DNAJA4: variants seen among roughly 807,000 people sequenced by gnomAD.
DNAJA4 encodes the protein DnaJ heat shock protein family (Hsp40) member A4, also known as dnaJ homolog subfamily A member 4.
DNAJA4 carries 32 observed loss-of-function variants against 39.7 expected under a neutral mutation model. That is an observed-to-expected ratio of 0.81 (90% confidence interval 0.61 to 1.08). The LOEUF (loss-of-function observed/expected upper bound fraction) is 1.08. Ranked by LOEUF, DNAJA4 falls within the 50% of genes least tolerant of loss-of-function variation. The pLI is 0.00. For synonymous variants in DNAJA4, 184 were observed against 182.4 expected, an observed-to-expected ratio of 1.01 and a Z score of -0.07; for missense variants, 439 against 505.1, an observed-to-expected ratio of 0.87 and a Z score of 1.25.
chr15:78,264,368 AAGG>A, upstream of DNAJA4: 1 of 1,448,334 alleles, frequency 6.9e-7, no homozygotes, highest in Non-Finnish European at 9.0e-7. Context: ...CGGGCAGCCA[AAGG>A]AGCAGACGCC....
At chr15:78,268,003 C>T (rs189055671) in intron 1 of DNAJA4, among the ~76,000 whole-genome samples, 153 of 152,298 alleles carry the variant, frequency 1.0e-3, no homozygotes, top group Non-Finnish European at 1.8e-3. Flanking sequence ...CTTTGGAGTG[C>T]TGGGACCCTA....
intron 1 of DNAJA4, among the ~76,000 whole-genome samples, chr15:78,267,120 C>CA (rs2049143894): frequency 7.1e-5 from 6 of 84,382 alleles, no homozygotes; most frequent in African/African-American, 2.4e-4. Flanking sequence ...ACTGTGCAGG[C>CA]CTTTTGTGAG....
In DNAJA4 at chr15:78,275,619, C is replaced by G; in HGVS notation, c.768C>G (p.Gly256=). 6.2e-7 allele frequency: 1 copy of G among 1,614,022 alleles called. No individual in the cohort carries two copies. Among genetic ancestry groups the G allele is most frequent in the Non-Finnish European group, 8.5e-7 (1 of 1,179,936 alleles). The change falls in exon 5 of 7, where the codon GGC becomes GGG. Residue 256 remains glycine (G), a synonymous_variant. Transcript: ENST00000394852. The part of the protein sequence containing the change: ...QKDHSVFQRR[G]HDLIMKMKIQ... ...ATCATAGTGTCTTTCAGAGACGAGG[C>G]CATGACTTGATCATGAAAATGAAAA...
rs965875003 is a variant in DNAJA4, at chr15:78,280,789, A to G, written c.*329A>G. 13 of 234,578 alleles carry G rather than the reference A, an allele frequency of 5.5e-5. No homozygotes were observed. The highest frequency in any genetic ancestry group is 1.5e-3 in the Middle Eastern group (1 of 666). The allele number at this position is 234,578 out of a possible 1,614,324, so 14.5% of individuals were successfully genotyped here. A position where few individuals can be genotyped will look rare whatever the true frequency, so the allele number is the denominator to read the frequency against. On this transcript the variant is annotated 3_prime_UTR_variant, in exon 7 of 7. Transcript: ENST00000394852. Reference sequence around the variant, plus strand: ...GCTTTGCCATAATTCAGTGTCACCAATAAGGCACAGCCCAGTTAGCAGCTT... The same window carrying G: ...GCTTTGCCATAATTCAGTGTCACCAGTAAGGCACAGCCCAGTTAGCAGCTT...
chr15:78,265,729 G>T (rs755676967), intron 1 of DNAJA4: 2 of 690,400 alleles, frequency 2.9e-6, no homozygotes, highest in Non-Finnish European at 2.6e-6. Context: ...TAACCCTCCC[G>T]TTCCTCCTTT....
intron 5 of DNAJA4, chr15:78,277,987 T>C (rs1312442520): frequency 4.4e-6 from 2 of 453,614 alleles, no homozygotes; most frequent in African/African-American, 4.0e-5. Context: ...TCTTTTGTGT[T>C]GGCTTATTTC....
chr15:78,277,991 T>G, intron 5 of DNAJA4: 1 of 454,858 alleles, frequency 2.2e-6, no homozygotes, highest in Non-Finnish European at 4.4e-6. Context: ...TTGTGTTGGC[T>G]TATTTCTTGT....
At chr15:78,271,603 G>A (rs576301242) in intron 2 of DNAJA4, among the ~76,000 whole-genome samples, 12 of 152,318 alleles carry the variant, frequency 7.9e-5, no homozygotes, top group African/African-American at 2.9e-4. Flanking sequence ...GGAGGTGAAT[G>A]AGGAACTTCT....
Position 78,270,628 on chromosome 15 carries a change from C to G in DNAJA4, c.264C>G (p.Ile88Met). The change falls in exon 2 of 7, where the codon ATC becomes ATG. Residue 88 changes from isoleucine (I) to methionine (M), a missense_variant. Physicochemically the swap from Ile to Met is conservative, Grantham distance 10. Transcript: ENST00000394852. ...CCAGCTTCTCTTCACCCATGGACAT[C>G]TTTGACATGTTCTTTGGTGGTGGTG... ...GSPSFSSPMD[I>M]FDMFFGGGGR... 6.2e-7 allele frequency: 1 copy of G among 1,614,180 alleles called. No homozygotes were observed. Among genetic ancestry groups the G allele is most frequent in the Non-Finnish European group, 8.5e-7 (1 of 1,180,034 alleles).
In DNAJA4 at chr15:78,279,701, AAG is replaced by A. The variant is rs1468598779; in HGVS notation, c.878-341_878-340del. ...TGGTAGGGATACCTGTCACCCCACAAAGAGGCAGGGTGACAGGTGTTGGCCCC... is the reference window on the plus strand; with the variant it reads ...TGGTAGGGATACCTGTCACCCCACAAAGGCAGGGTGACAGGTGTTGGCCCC... On this transcript the variant is annotated intron_variant, in intron 5 of 6. Transcript: ENST00000394852. This position sits in a 1 kb window ranked among gnomAD's most constrained non-coding sequence, Gnocchi z 4.5. 2 of 303,600 alleles carry A rather than the reference AAG, an allele frequency of 6.6e-6. No homozygotes were observed. The highest frequency in any genetic ancestry group is 6.2e-6 in the Non-Finnish European group (1 of 162,286). 18.8% of individuals were successfully genotyped at this position (303,600 alleles called of 1,614,324 possible). A position where few individuals can be genotyped will look rare whatever the true frequency, so the allele number is the denominator to read the frequency against.
chr15:78,275,614 C>T lies in DNAJA4; in HGVS notation c.763C>T (p.Arg255Ter), dbSNP rs202118844. 3 of 1,614,060 alleles carry T rather than the reference C, an allele frequency of 1.9e-6. No individual in the cohort carries two copies. Among genetic ancestry groups the T allele is most frequent in the Non-Finnish European group, 2.5e-6 (3 of 1,179,950 alleles). Residue 255 changes from arginine (R) to a stop codon, truncating the protein, a stop_gained, in exon 5 of 7, where the codon CGA becomes TGA. Coordinates refer to ENST00000394852, the MANE Select transcript of DNAJA4 (RefSeq NM_001130182.2). LOFTEE classifies it high-confidence loss of function. Reference protein sequence around the residue: ...DQKDHSVFQRRGHDLIMKMKI... With the variant: ...DQKDHSVFQR ...GAAGGATCATAGTGTCTTTCAGAGA[C>T]GAGGCCATGACTTGATCATGAAAAT... is the stretch of plus-strand genomic sequence containing the variant.
chr15:78,278,932 G>A (rs1342572669), intron 5 of DNAJA4, among the ~76,000 whole-genome samples: 1 of 145,276 alleles, frequency 6.9e-6, no homozygotes, highest in Non-Finnish European at 1.5e-5. Flanking sequence ...GCCTCCCAAA[G>A]TGCTGGGATT....
intron 5 of DNAJA4, among the ~76,000 whole-genome samples, chr15:78,277,610 C>T (rs999049831): frequency 6.6e-6 from 1 of 152,160 alleles, no homozygotes. Context: ...GTGGTCACAG[C>T]CCAGATCCTA....
chr15:78,278,682 C>T (rs536511071), intron 5 of DNAJA4, among the ~76,000 whole-genome samples: 5 of 152,088 alleles, frequency 3.3e-5, no homozygotes, highest in East Asian at 3.9e-4. Context: ...GACGGAGTCT[C>T]GCTCTGTCGC....
intron 4 of DNAJA4, chr15:78,274,732 A>G: frequency 2.5e-6 from 1 of 407,038 alleles, no homozygotes; most frequent in Non-Finnish European, 4.6e-6. Context: ...ATCTCCTGAC[A>G]TTCTCAAGCC....
chr15:78,275,350 A>T, intron 4 of DNAJA4, 148 bp from the exon 5 acceptor site: 1 of 643,964 alleles, frequency 1.6e-6, no homozygotes, highest in Non-Finnish European at 2.7e-6. Context: ...TGGCCATCCT[A>T]GCCACCCCTC....
chr15:78,273,244 G>T (rs552488061), intron 3 of DNAJA4, 45 bp downstream of exon 3: 9 of 1,104,410 alleles, frequency 8.1e-6, no homozygotes, highest in Non-Finnish European at 1.2e-5. Context: ...TGATCCCTTA[G>T]ATTCAGAAAC....
At chr15:78,264,306 C>T (rs2049053418), upstream of DNAJA4, 1 of 1,390,186 alleles carries the variant, frequency 7.2e-7, no homozygotes, top group East Asian at 3.1e-5. Context: ...CCTTCTCCGG[C>T]CCCCGCCATG....
chr15:78,265,552 G>T, intron 1 of DNAJA4: 1 of 702,350 alleles, frequency 1.4e-6, no homozygotes, highest in South Asian at 1.5e-5. Flanking sequence ...GTGACACACA[G>T]TTGATCATAA....
Sources: allele counts gnomAD v4.1 joint callset (sites outside exome capture counted in the v4.1 genomes callset), GRCh38; gene constraint gnomAD v4.1.1; non-coding constraint Gnocchi (gnomAD v3.1); transcripts MANE v1.5; gene names NCBI Gene and HGNC (gene_info 2026-07-23, HGNC 2026-07-21).